HUWE1: variants seen among roughly 807,000 people sequenced by gnomAD.
HUWE1 encodes HECT, UBA and WWE domain containing E3 ubiquitin protein ligase 1.
HUWE1 carries 18 observed loss-of-function variants against 299.4 expected under a neutral mutation model. The ratio of observed to expected loss-of-function variants is 0.06; its 90% CI spans 0.04 to 0.09. The LOEUF (loss-of-function observed/expected upper bound fraction) is 0.09. Ranked by LOEUF, HUWE1 falls within the 10% of genes least tolerant of loss-of-function variation. The pLI is 1.00. For synonymous variants in HUWE1, 1,317 were observed against 1,286.1 expected (o/e 1.02, Z -0.51); for missense variants, 1,832 against 3,462.3 (o/e 0.53, Z 11.82).
chrX:53,662,204 C>A (rs1354946403), intron 3 of HUWE1, among the ~76,000 whole-genome samples: 1 of 110,772 alleles, frequency 9.0e-6, no homozygotes, highest in Non-Finnish European at 1.9e-5. Flanking sequence ...CTTAGGTGAT[C>A]CATATAACAA....
At chrX:53,533,943 GAAA>G (rs1354179862) in intron 83 of HUWE1, 61 bp downstream of exon 83, 25 of 1,076,323 alleles carry the variant, frequency 2.3e-5, no homozygotes, top group Non-Finnish European at 3.0e-5. Context: ...GTAGGGTCCT[GAAA>G]ACATCAAGTA....
intron 78 of HUWE1, 148 bp downstream of exon 78, chrX:53,537,408 G>T: frequency 1.6e-6 from 1 of 633,327 alleles, no homozygotes; most frequent in Non-Finnish European, 2.5e-6. Flanking sequence ...AGACAACTCA[G>T]TAAGATTATC....
intron 12 of HUWE1, 148 bp downstream of exon 12, chrX:53,630,787 A>G (rs1472702590): frequency 1.3e-5 from 6 of 471,762 alleles, no homozygotes; most frequent in Non-Finnish European, 2.3e-5. Flanking sequence ...ATGAATAAAT[A>G]CAGTGAACAC....
At chrX:53,631,872 CTTT>C (rs1205013548) in intron 9 of HUWE1, 7 of 390,455 alleles carry the variant, frequency 1.8e-5, no homozygotes, top group Non-Finnish European at 2.2e-5. Context: ...TCATATTCTT[CTTT>C]GTCCTTTTTT....
chrX:53,685,849 A>G (rs1557055445), intron 2 of HUWE1, among the ~76,000 whole-genome samples: 1 of 112,120 alleles, frequency 8.9e-6, no homozygotes, highest in African/African-American at 3.2e-5. Context: ...ACATGGCATG[A>G]TACATATACA....
Position 53,585,203 on chromosome X carries a change from A to G in HUWE1, c.4825-15T>C. ...GATTGCAGGTACTAAACATAAAAGT[A>G]CAAAGTTTCTTTGTATTTCTTTCAA... On this transcript the variant is annotated splice_polypyrimidine_tract_variant and intron_variant, in intron 39 of 83. Transcript: ENST00000262854. The G allele has an allele frequency of 8.3e-7, 1 of 1,208,414 alleles. No homozygotes were observed. The highest frequency in any genetic ancestry group is 2.2e-5 in the Admixed American group (1 of 46,122).
Position 53,588,538 on chromosome X carries a change from G to C in HUWE1, c.4462-4C>G, listed in dbSNP as rs1556975540. On this transcript the variant is annotated splice_polypyrimidine_tract_variant and splice_region_variant and intron_variant, in intron 36 of 83. Coordinates refer to ENST00000262854, the MANE Select transcript of HUWE1 (RefSeq NM_031407.7). Reference sequence around the variant, plus strand: ...ATACATCAGCAGCTTCCCACACCTAGAAAAGCAAAAAAAGGGTTAAGTCAC... The same window carrying C: ...ATACATCAGCAGCTTCCCACACCTACAAAAGCAAAAAAAGGGTTAAGTCAC... 5.8e-6 allele frequency: 7 copies of C among 1,198,605 alleles called. No individual in the cohort carries two copies. Among genetic ancestry groups the C allele is most frequent in the Non-Finnish European group, 7.9e-6 (7 of 888,643 alleles).
At chrX:53,536,297 G>A in intron 79 of HUWE1, 45 bp from the exon 80 acceptor site, 2 of 1,146,901 alleles carry the variant, frequency 1.7e-6, no homozygotes, top group Non-Finnish European at 2.4e-6. Context: ...CGAGTGGGGG[G>A]GAAGAAGGAG....
intron 43 of HUWE1, among the ~76,000 whole-genome samples, chrX:53,577,590 T>C (rs2063196737): frequency 8.9e-6 from 1 of 112,692 alleles, no homozygotes; most frequent in South Asian, 3.6e-4. Context: ...ACGGTACTGC[T>C]GCCATCTCGG....
At chrX:53,638,497 C>T (rs2067364121) in intron 7 of HUWE1, among the ~76,000 whole-genome samples, 1 of 112,363 alleles carries the variant, frequency 8.9e-6, no homozygotes, top group African/African-American at 3.2e-5. Flanking sequence ...CACTACCTCA[C>T]ACTAGACAGG....
intron 76 of HUWE1, 157 bp from the exon 77 acceptor site, chrX:53,538,611 G>A (rs957515332): frequency 5.5e-6 from 3 of 548,743 alleles, no homozygotes; most frequent in Non-Finnish European, 9.3e-6. Flanking sequence ...AGGTGTGAAC[G>A]TGAATCTGAG....
In HUWE1 at chrX:53,533,360, G is replaced by A. The variant is rs1404356098; in HGVS notation, c.13074C>T (p.His4358=). Residue 4358 remains histidine (H), a synonymous_variant, in exon 84 of 84, where the codon CAC becomes CAT. Transcript: ENST00000262854. ...PAYESFEKLR[H]MLLLAIQECS... ...ACTCCTGGATAGCCAACAGTAGCAT[G>A]TGGCGGAGCTTCTCAAAGCTCTCAT... The A allele has an allele frequency of 1.4e-5, 17 of 1,206,627 alleles. No homozygotes were observed. Among genetic ancestry groups the A allele is most frequent in the Non-Finnish European group, 1.9e-5 (17 of 893,052 alleles).
At chrX:53,538,215 C>T in intron 77 of HUWE1, 122 bp downstream of exon 77, 1 of 540,985 alleles carries the variant, frequency 1.8e-6, no homozygotes, top group Admixed American at 2.5e-5. Flanking sequence ...TCCCTCCTCA[C>T]CACCACCATT....
In HUWE1 at chrX:53,554,625, C is replaced by T; in HGVS notation, c.8494+8G>A. On this transcript the variant is annotated splice_region_variant and intron_variant, in intron 61 of 83. Transcript: ENST00000262854. ...TTCATCCTCCCCAAATGTTGAAATT[C>T]TACTCACTTATAGTGGGAGCTGGGG... 1.7e-6 allele frequency: 2 copies of T among 1,208,845 alleles called. No individual in the cohort carries two copies. The highest frequency in any genetic ancestry group is 2.2e-6 in the Non-Finnish European group (2 of 893,687).
Position 53,602,605 on chromosome X carries a change from T to C in HUWE1, c.2930A>G (p.Lys977Arg). Reference sequence around the variant, plus strand: ...CTGGGTCGTACCTGCCTTCTCATCCTTTGGAACCAGTTTCTGCATATCTGC... The same window carrying C: ...CTGGGTCGTACCTGCCTTCTCATCCCTTGGAACCAGTTTCTGCATATCTGC... ...GQADMQKLVP[K>R]DEKAGTTQGG... Residue 977 changes from lysine (K) to arginine (R), a missense_variant, in exon 28 of 84, where the codon AAG (lysine) becomes AGG (arginine). By Grantham distance (26) the Lys-to-Arg change is conservative. Coordinates refer to ENST00000262854, the MANE Select transcript of HUWE1 (RefSeq NM_031407.7). 8.3e-7 allele frequency: 1 copy of C among 1,200,103 alleles called. No individual in the cohort carries two copies. Among genetic ancestry groups the C allele is most frequent in the Non-Finnish European group, 1.1e-6 (1 of 885,558 alleles).
intron 7 of HUWE1, among the ~76,000 whole-genome samples, chrX:53,638,531 G>A (rs2149157555): frequency 9.0e-6 from 1 of 111,466 alleles, no homozygotes; most frequent in South Asian, 3.8e-4. Flanking sequence ...TCAGACATCA[G>A]GAAAAAGGCT....
At position 53,565,761 on chromosome X, in the gene HUWE1, C is replaced by T. The variant is rs142308038; in HGVS notation, c.6708-522G>A. Reference sequence around the variant, plus strand: ...ATCCTCCCACCTCAGGTTTCCAAGTCGCTGGGACTACAGGCGTGAGCCACC... The same window carrying T: ...ATCCTCCCACCTCAGGTTTCCAAGTTGCTGGGACTACAGGCGTGAGCCACC... On this transcript the variant is annotated intron_variant, in intron 49 of 83. Transcript: ENST00000262854. Among the ~76,000 whole-genome samples the T allele has an allele frequency of 8.5e-3, 937 of 109,655 alleles. 16 individuals carry two copies. Among genetic ancestry groups the T allele is most frequent in the African/African-American group, 0.03 (903 of 30,077 alleles).
At chrX:53,674,734 G>C (rs1222720943) in intron 3 of HUWE1, among the ~76,000 whole-genome samples, 1 of 111,317 alleles carries the variant, frequency 9.0e-6, no homozygotes, top group Non-Finnish European at 1.9e-5. Context: ...TGATTTGCAA[G>C]TCTCCTTCCC....
intron 75 of HUWE1, 64 bp from the exon 76 acceptor site, chrX:53,539,144 T>C: frequency 9.2e-7 from 1 of 1,085,990 alleles, no homozygotes; most frequent in South Asian, 1.9e-5. Context: ...CAAACCTCTT[T>C]GCCATCATAA....
Sources: allele counts gnomAD v4.1 joint callset (sites outside exome capture counted in the v4.1 genomes callset), GRCh38; gene constraint gnomAD v4.1.1; transcripts MANE v1.5; gene names NCBI Gene and HGNC (gene_info 2026-07-23, HGNC 2026-07-21).